The following SH2D2A variants were observed in gnomAD, a reference collection of about 807,000 sequenced individuals.
SH2D2A encodes SH2 domain-containing protein 2A.
In SH2D2A, 33 loss-of-function variants were observed where a neutral mutation model predicts 43.6. That is an observed-to-expected ratio of 0.76 (90% CI 0.57 to 1.01). The LOEUF (loss-of-function observed/expected upper bound fraction) is 1.01. Ranked by LOEUF, SH2D2A falls within the 50% of genes least tolerant of loss-of-function variation. SH2D2A has a pLI of 0.00. For missense variants in SH2D2A, 491 were observed against 503.1 expected, an observed-to-expected ratio of 0.98 and a Z score of 0.23; for synonymous variants, 212 against 206.1, an observed-to-expected ratio of 1.03 and a Z score of -0.25.
At chr1:156,806,991 G>A (rs921872984) in intron 8 of SH2D2A, among the ~76,000 whole-genome samples, 184 bp downstream of exon 8, 8 of 152,144 alleles carry the variant, frequency 5.3e-5, no homozygotes, top group Admixed American at 2.6e-4. Context: ...CACGACCAAT[G>A]GATTGGAGTT....
At chr1:156,812,911 G>A (rs559251435) in intron 5 of SH2D2A, among the ~76,000 whole-genome samples, 10 of 152,238 alleles carry the variant, frequency 6.6e-5, no homozygotes, top group African/African-American at 1.4e-4. Context: ...TTTCCAGTGC[G>A]CAGAAAGTTG....
intron 3 of SH2D2A, 101 bp from the exon 4 acceptor site, chr1:156,814,395 A>G (rs183527814): frequency 2.6e-6 from 4 of 1,520,306 alleles, no homozygotes; most frequent in South Asian, 2.5e-5. Context: ...CCAAGCAAGC[A>G]TGCTGGAGCG....
At chr1:156,814,645 T>C in intron 3 of SH2D2A, 3 of 400,532 alleles carry the variant, frequency 7.5e-6, no homozygotes, top group Non-Finnish European at 1.3e-5. Context: ...AACAAAGAGT[T>C]AGGGAGAAAT....
intron 5 of SH2D2A, among the ~76,000 whole-genome samples, chr1:156,812,226 G>A (rs537359888): frequency 1.3e-5 from 2 of 152,192 alleles, no homozygotes; most frequent in African/African-American, 4.8e-5. Context: ...ATCATTTCAT[G>A]TGAAATATTG....
In SH2D2A at chr1:156,807,169, A is replaced by C; in HGVS notation, c.*3+6T>G. The C allele has an allele frequency of 6.2e-7, 1 of 1,611,910 alleles. No individual in the cohort carries two copies. ...TCCAAGTTATCCTCACCAAGCTCAG[A>C]CTTACCGCCTACTGAGGAGGCCCAA... On this transcript the variant is annotated splice_donor_region_variant and intron_variant, in intron 8 of 8. Transcript: ENST00000368199. The surrounding 1 kb of genome is among the most constrained non-coding windows in gnomAD (Gnocchi z 5.1).
intron 2 of SH2D2A, chr1:156,815,770 C>A: frequency 6.2e-7 from 1 of 1,609,632 alleles, no homozygotes; most frequent in Non-Finnish European, 8.5e-7. Flanking sequence ...CATCTGCGGA[C>A]TCAGCCTGAG....
At position 156,814,259 on chromosome 1, in the gene SH2D2A, C is replaced by T; in HGVS notation, c.344G>A (p.Gly115Glu). The change falls in exon 4 of 9, where the codon GGG (glycine) becomes GAG (glutamate). Residue 115 changes from glycine to glutamate, a missense_variant. By Grantham distance (98) the Gly-to-Glu change is moderately conservative. Transcript: ENST00000368199. Reference protein sequence around the residue: ...AERLLEPKPQGCYLVRFSESA... With the variant: ...AERLLEPKPQECYLVRFSESA... ...CTCGCTGAACCGCACCAAGTAGCAC[C>T]CCTGAGGCTTGGGCTCCAGCAGCCT... is the stretch of plus-strand genomic sequence containing the variant. 3 of 1,614,006 alleles carry T rather than the reference C, an allele frequency of 1.9e-6. No individual in the cohort carries two copies. The highest frequency in any genetic ancestry group is 2.5e-6 in the Non-Finnish European group (3 of 1,179,986).
intron 5 of SH2D2A, among the ~76,000 whole-genome samples, chr1:156,810,810 T>A (rs1653359282): frequency 6.6e-6 from 1 of 152,172 alleles, no homozygotes; most frequent in Non-Finnish European, 1.5e-5. Context: ...TGTGAGCCAC[T>A]GCGCCCGGCC....
intron 7 of SH2D2A, among the ~76,000 whole-genome samples, chr1:156,808,050 G>C (rs1653095105): frequency 6.6e-6 from 1 of 152,154 alleles, no homozygotes; most frequent in Non-Finnish European, 1.5e-5. Flanking sequence ...TGTAATCTCA[G>C]CTGAGGTGGG....
Position 156,814,191 on chromosome 1 carries a change from G to A in SH2D2A, c.398+14C>T, listed in dbSNP as rs565616013. 1 of 1,612,792 alleles carries A rather than the reference G, an allele frequency of 6.2e-7. No homozygotes were observed. The highest frequency in any genetic ancestry group is 1.1e-5 in the South Asian group (1 of 91,038). ...CCCGCCTTGTGTCGCCCGGCGCGGGGCCTCGCCCCTCACCTGTAAGTCAGC... is the reference window on the plus strand; with the variant it reads ...CCCGCCTTGTGTCGCCCGGCGCGGGACCTCGCCCCTCACCTGTAAGTCAGC... On this transcript the variant is annotated intron_variant, in intron 4 of 8. Transcript: ENST00000368199.
At chr1:156,811,034 T>A (rs1218127856) in intron 5 of SH2D2A, among the ~76,000 whole-genome samples, 1 of 152,182 alleles carries the variant, frequency 6.6e-6, no homozygotes, top group Non-Finnish European at 1.5e-5. Context: ...GGAGGTGTAC[T>A]GCAGATATAC....
rs781385955 is a variant in SH2D2A, at chr1:156,816,007, G to A, written c.122C>T (p.Ala41Val). The change falls in exon 2 of 9, where the codon GCG becomes GTG. Residue 41 changes from alanine to valine, a missense_variant and splice_region_variant. By Grantham distance (64) the Ala-to-Val change is moderately conservative (BLOSUM62 0). Coordinates refer to ENST00000368199, the MANE Select transcript of SH2D2A (RefSeq NM_003975.4). Reference protein sequence around the residue: ...RRSCQNLGYTAASPQAPEAAS... With the variant: ...RRSCQNLGYTVASPQAPEAAS... ...CTGCCGCCCCAGGTTTCCACTCACC[G>A]CAGTGTAGCCCAGGTTCTGGCAGCT... The A allele has an allele frequency of 5.0e-6, 8 of 1,613,636 alleles. No homozygotes were observed. The highest frequency in any genetic ancestry group is 1.7e-5 in the Admixed American group (1 of 59,964).
In SH2D2A at chr1:156,813,880, C is replaced by T; in HGVS notation, c.535G>A (p.Gly179Arg). The part of the protein sequence containing the change: ...HYTAHPLSPY[G>R]ETLTEPLARQ... The stretch of plus-strand genomic sequence containing the variant: ...GCGAGGGGCTCGGTGAGCGTCTCCC[C>T]GTAGGGGCTGAGCGGGTGCGCGGTG... The change falls in exon 5 of 9, where the codon GGG becomes AGG. Residue 179 changes from glycine (G) to arginine (R), a missense_variant. Gly to Arg is a moderately radical substitution (Grantham distance 125). Transcript: ENST00000368199. 1 of 1,532,370 alleles carries T rather than the reference C, an allele frequency of 6.5e-7. No individual in the cohort carries two copies. Among genetic ancestry groups the T allele is most frequent in the East Asian group, 2.4e-5 (1 of 42,090 alleles). The allele number at this position is 1,532,370 out of a possible 1,614,324, so 94.9% of individuals were successfully genotyped here.
At chr1:156,808,974 T>TG (rs1239188947) in intron 7 of SH2D2A, among the ~76,000 whole-genome samples, 2 of 151,740 alleles carry the variant, frequency 1.3e-5, no homozygotes, top group African/African-American at 4.8e-5. Context: ...TAGGAGGGCA[T>TG]GGGGGCTTGA....
intron 5 of SH2D2A, among the ~76,000 whole-genome samples, chr1:156,810,940 GT>G (rs1653369578): frequency 1.3e-5 from 2 of 152,190 alleles, no homozygotes; most frequent in African/African-American, 4.8e-5. Flanking sequence ...CATGAATGCT[GT>G]CCCCATGCCT....
Position 156,816,006 on chromosome 1 carries a change from C to A in SH2D2A, c.123G>T (p.Ala41=), listed in dbSNP as rs758191370. Residue 41 remains alanine, a splice_region_variant and synonymous_variant, in exon 2 of 9, where the codon GCG becomes GCT. Coordinates refer to ENST00000368199, the MANE Select transcript of SH2D2A (RefSeq NM_003975.4). The stretch of plus-strand genomic sequence containing the variant: ...GCTGCCGCCCCAGGTTTCCACTCAC[C>A]GCAGTGTAGCCCAGGTTCTGGCAGC... The part of the protein sequence containing the change: ...RRSCQNLGYT[A]ASPQAPEAAS... 6.2e-7 allele frequency: 1 copy of A among 1,613,618 alleles called. No homozygotes were observed. The highest frequency in any genetic ancestry group is 8.5e-7 in the Non-Finnish European group (1 of 1,179,756).
Position 156,807,343 on chromosome 1 carries a change from A to T in SH2D2A, c.1005T>A (p.Asn335Lys), listed in dbSNP as rs1432613915. The T allele has an allele frequency of 6.5e-7, 1 of 1,546,394 alleles. No individual in the cohort carries two copies. Among genetic ancestry groups the T allele is most frequent in the Non-Finnish European group, 8.7e-7 (1 of 1,152,414 alleles). Residue 335 changes from asparagine (N) to lysine (K), a missense_variant and splice_region_variant, in exon 8 of 9, where the codon AAT (asparagine) becomes AAA (lysine). By Grantham distance (94) the Asn-to-Lys change is moderately conservative. Coordinates refer to ENST00000368199, the MANE Select transcript of SH2D2A (RefSeq NM_003975.4). This position sits in a 1 kb window ranked among gnomAD's most constrained non-coding sequence, Gnocchi z 5.1. ...SWSRPVPGGQNTGGSQLHSEN... is the reference protein window; with the variant it reads ...SWSRPVPGGQKTGGSQLHSEN... ...CAGAATGCAGCTGGGAGCCACCTGTATTCTGCAGAGAGAAGGACAGTTCTA... is the reference window on the plus strand; with the variant it reads ...CAGAATGCAGCTGGGAGCCACCTGTTTTCTGCAGAGAGAAGGACAGTTCTA...
chr1:156,810,941 T>C (rs181206701), intron 5 of SH2D2A, among the ~76,000 whole-genome samples: 3 of 152,322 alleles, frequency 2.0e-5, no homozygotes, highest in African/African-American at 7.2e-5. Context: ...ATGAATGCTG[T>C]CCCCATGCCT....
rs1402487488 is a variant in SH2D2A at position 156,807,880 on chromosome 1, A to AC, written c.1003-536dup. On this transcript the variant is annotated intron_variant, in intron 7 of 8. Coordinates refer to ENST00000368199, the MANE Select transcript of SH2D2A (RefSeq NM_003975.4). The surrounding 1 kb of genome is among the most constrained non-coding windows in gnomAD (Gnocchi z 5.1). ...CTGGTGGTAAGGCTAAGGAGGTGAGACCCCCCACCCAACCCAAGTCTAGAG... is the reference window on the plus strand; with the variant it reads ...CTGGTGGTAAGGCTAAGGAGGTGAGACCCCCCCACCCAACCCAAGTCTAGAG... Among the ~76,000 whole-genome samples, 4 of 150,726 alleles carry AC rather than the reference A, an allele frequency of 2.7e-5. No individual in the cohort carries two copies. Among genetic ancestry groups the AC allele is most frequent in the Non-Finnish European group, 4.4e-5 (3 of 67,732 alleles).
Sources: allele counts gnomAD v4.1 joint callset (sites outside exome capture counted in the v4.1 genomes callset), GRCh38; gene constraint gnomAD v4.1.1; non-coding constraint Gnocchi (gnomAD v3.1); transcripts MANE v1.5; gene names NCBI Gene and HGNC (gene_info 2026-07-23, HGNC 2026-07-21).